The following SEC23A variants were observed in gnomAD, a reference collection of about 807,000 sequenced individuals.
The protein encoded by SEC23A is SEC23 homolog A, COPII component, also known as protein transport protein Sec23A.
In SEC23A, 56 loss-of-function variants were observed where a neutral mutation model predicts 103.7. The ratio of observed to expected loss-of-function variants is 0.54; its 90% CI spans 0.44 to 0.67. The LOEUF (loss-of-function observed/expected upper bound fraction) is 0.67, where lower values mean the gene tolerates loss of function less well. SEC23A is among the 30% of genes least tolerant of loss of function. SEC23A has a pLI of 0.00. For missense variants in SEC23A, 784 were observed against 936.4 expected, an observed-to-expected ratio of 0.84 and a Z score of 2.12; for synonymous variants, 281 against 293.0, an observed-to-expected ratio of 0.96 and a Z score of 0.42.
rs750853379 is a variant in SEC23A, at chr14:39,059,278, TAAAAAAAAAAA to T, written c.1505+2476_1505+2486del. Among the ~76,000 whole-genome samples, 130 of 71,834 alleles carry T rather than the reference TAAAAAAAAAAA, an allele frequency of 1.8e-3. 3 individuals carry two copies. The Middle Eastern group carries it at 0.057, about 32-fold the overall frequency. 47.1% of individuals were successfully genotyped at this position (71,834 alleles called of 152,430 possible). A position where few individuals can be genotyped will look rare whatever the true frequency, so the allele number is the denominator to read the frequency against. On this transcript the variant is annotated intron_variant, in intron 13 of 19. Transcript: ENST00000307712. ...GGCCCCTAAAGTCATAGTCCTAGTT[TAAAAAAAAAAA>T]AAAAAAAAAAAAAAAAAAAAACAAC...
At chr14:39,045,795 A>G (rs1248636722) in intron 15 of SEC23A, among the ~76,000 whole-genome samples, 2 of 152,258 alleles carry the variant, frequency 1.3e-5, no homozygotes, top group East Asian at 1.9e-4. Flanking sequence ...ACGTCTGACC[A>G]TATCTTTGGG....
At chr14:39,060,345 A>G (rs1265046856) in intron 13 of SEC23A, among the ~76,000 whole-genome samples, 2 of 152,202 alleles carry the variant, frequency 1.3e-5, no homozygotes, top group African/African-American at 4.8e-5. Context: ...AGATCACCCA[A>G]TACAGCTAAT....
intron 7 of SEC23A, among the ~76,000 whole-genome samples, chr14:39,077,415 C>T (rs1389196992): frequency 2.6e-5 from 4 of 151,204 alleles, no homozygotes; most frequent in Non-Finnish European, 5.9e-5. Context: ...TGGTGGCGGG[C>T]GCCTGTAATT....
intron 8 of SEC23A, 51 bp from the exon 9 acceptor site, chr14:39,074,581 C>CT: frequency 8.6e-7 from 1 of 1,163,738 alleles, no homozygotes; most frequent in South Asian, 1.2e-5. Flanking sequence ...TCCTATAAAT[C>CT]TTTTTTCCAT....
chr14:39,034,974 A>G (rs1885413971), intron 19 of SEC23A, among the ~76,000 whole-genome samples: 1 of 152,174 alleles, frequency 6.6e-6, no homozygotes, highest in Admixed American at 6.5e-5. Flanking sequence ...ATTAGAGTCC[A>G]TTAATTTTTA....
rs1886549164 is a variant in SEC23A at position 39,063,508 on chromosome 14, A to G, written c.1309-95T>C. 9.1e-6 allele frequency: 7 copies of G among 766,846 alleles called. No homozygotes were observed. In the East Asian group the frequency reaches 1.9e-4, roughly 21 times the overall value. The allele number at this position is 766,846 out of a possible 1,614,324, so 47.5% of individuals were successfully genotyped here. A position where few individuals can be genotyped will look rare whatever the true frequency, so the allele number is the denominator to read the frequency against. On this transcript the variant is annotated intron_variant, in intron 11 of 19. Transcript: ENST00000307712. ...ATGGAAAAAGACCACAGGAAAAAAA[A>G]AAGTCATGTTTCAAACTAATTCAAC...
chr14:39,063,562 C>A (rs1886550751), intron 11 of SEC23A, 149 bp from the exon 12 acceptor site: 13 of 524,760 alleles, frequency 2.5e-5, no homozygotes, highest in South Asian at 6.3e-5. Flanking sequence ...TATTTTAAGA[C>A]CATAAGTATA....
At chr14:39,084,254 C>A (rs879299603) in intron 7 of SEC23A, among the ~76,000 whole-genome samples, 8 of 151,792 alleles carry the variant, frequency 5.3e-5, no homozygotes, top group Non-Finnish European at 8.8e-5. Flanking sequence ...TCTCGATCTC[C>A]TGACCTCGTG....
At chr14:39,054,941 A>G (rs1426467795) in intron 14 of SEC23A, among the ~76,000 whole-genome samples, 1 of 152,226 alleles carries the variant, frequency 6.6e-6, no homozygotes, top group Non-Finnish European at 1.5e-5. Context: ...CATTTTAAGG[A>G]AAAAAGGCAA....
At chr14:39,041,335 A>T (rs1474020550) in intron 17 of SEC23A, 1 of 149,144 alleles carries the variant, frequency 6.7e-6, no homozygotes, top group East Asian at 2.0e-4. Context: ...GTATAAAACA[A>T]TCATGTGCAT....
intron 12 of SEC23A, 87 bp from the exon 13 acceptor site, chr14:39,061,958 A>C: frequency 1.2e-6 from 1 of 839,700 alleles, no homozygotes; most frequent in Admixed American, 1.8e-5. Flanking sequence ...AGCACTAAAA[A>C]TAATTCATTC....
intron 11 of SEC23A, chr14:39,064,414 A>G (rs1202597420): frequency 6.5e-6 from 1 of 154,540 alleles, no homozygotes; most frequent in South Asian, 2.0e-4. Context: ...AAATTCTGGT[A>G]TCAAAAATCA....
chr14:39,080,107 C>G (rs558298497), intron 7 of SEC23A, among the ~76,000 whole-genome samples: 5 of 151,932 alleles, frequency 3.3e-5, no homozygotes, highest in African/African-American at 2.4e-5. Context: ...AAAGAACATC[C>G]AAACTTCAAA....
rs553367392 is a variant in SEC23A at position 39,097,564 on chromosome 14, A to C, written c.-21-1425T>G. ...AAAATCTTTCAAATAAATTTTCATA[A>C]AACAAATGGCAGAAAGTGAAGCTTA... On this transcript the variant is annotated intron_variant, in intron 1 of 19. Coordinates refer to ENST00000307712, the MANE Select transcript of SEC23A (RefSeq NM_006364.4). 3.4e-4 allele frequency among the ~76,000 whole-genome samples: 52 copies of C among 152,346 alleles called. No homozygotes were observed. The South Asian group carries it at 0.01, about 30-fold the overall frequency.
intron 10 of SEC23A, among the ~76,000 whole-genome samples, chr14:39,065,470 T>C (rs996525509): frequency 7.9e-5 from 12 of 152,194 alleles, no homozygotes; most frequent in Admixed American, 7.2e-4. Flanking sequence ...TCCTGACATA[T>C]GCAGAATACC....
chr14:39,045,481 T>G lies in SEC23A; in HGVS notation c.1738-157A>C, dbSNP rs60316211. On this transcript the variant is annotated intron_variant, in intron 15 of 19. Transcript: ENST00000307712. ...TATATCCCTCAGGAAAGGAATCCTA[T>G]TCACAAAATTTATCAGCTGCCTAAA... Among the ~76,000 whole-genome samples, 1,316 of 152,140 alleles carry G rather than the reference T, an allele frequency of 8.6e-3. 21 individuals carry two copies. Among genetic ancestry groups the G allele is most frequent in the African/African-American group, 0.03 (1,225 of 41,502 alleles).
At chr14:39,083,213 G>A (rs954526601) in intron 7 of SEC23A, among the ~76,000 whole-genome samples, 1 of 152,128 alleles carries the variant, frequency 6.6e-6, no homozygotes, top group African/African-American at 2.4e-5. Context: ...AAGTCAAGCT[G>A]GAAACTGCTT....
chr14:39,044,294 GA>G (rs1885756324), intron 16 of SEC23A, among the ~76,000 whole-genome samples: 2 of 151,068 alleles, frequency 1.3e-5, no homozygotes, highest in South Asian at 2.1e-4. Context: ...TTACTCAGAA[GA>G]AAAAAAAGTT....
Position 39,096,043 on chromosome 14 carries a change from A to G in SEC23A, c.76T>C (p.Ser26Pro). ...GVRFSWNVWP[S>P]SRLEATRMVV... ...ATTCTTGTAGCTTCCAGTCGACTTG[A>G]TGGCCAAACATTCCAACTAAATCGG... The change falls in exon 2 of 20, where the codon TCA becomes CCA. Residue 26 changes from serine to proline, a missense_variant. Transcript: ENST00000307712. The G allele has an allele frequency of 6.2e-7, 1 of 1,614,138 alleles. No homozygotes were observed. The highest frequency in any genetic ancestry group is 1.1e-5 in the South Asian group (1 of 91,080).
Sources: gnomAD v4.1 joint callset for allele counts (sites outside exome capture counted in the v4.1 genomes callset) on GRCh38, gnomAD v4.1.1 for gene constraint, MANE v1.5 for transcripts, NCBI Gene and HGNC (gene_info 2026-07-23, HGNC 2026-07-21) for gene names.